ALG11: variants seen among roughly 807,000 people sequenced by gnomAD.
ALG11 encodes the protein ALG11 alpha-1,2-mannosyltransferase, also known as GDP-Man:Man(3)GlcNAc(2)-PP-Dol alpha-1,2-mannosyltransferase.
In ALG11, 26 loss-of-function variants were observed where a neutral mutation model predicts 38.8. The observed-to-expected ratio is 0.67, with a 90% CI of 0.49 to 0.93. The LOEUF is 0.93. Among genes scored for constraint, ALG11 ranks in the 40% least tolerant of loss-of-function variants. ALG11 has a pLI of 0.00. For missense variants in ALG11, 535 were observed against 578.8 expected, an observed-to-expected ratio of 0.92 and a Z score of 0.78; for synonymous variants, 199 against 211.6, an observed-to-expected ratio of 0.94 and a Z score of 0.52.
intron 3 of ALG11, 143 bp from the exon 4 acceptor site, chr13:52,028,176 G>A (rs919463972): frequency 4.3e-6 from 4 of 933,822 alleles, no homozygotes; most frequent in Middle Eastern, 2.7e-4. Context: ...TACTGTAGAA[G>A]TTGAATAAGC....
chr13:52,024,368 A>C lies in ALG11; in HGVS notation c.638A>C (p.Gln213Pro). ...GACATGCTCTCTGTAGTGAAGAATC[A>C]AAATATTGGATTTAATAATGCAGCC... Reference protein sequence around the residue: ...STDMLSVVKNQNIGFNNAAFI... With the variant: ...STDMLSVVKNPNIGFNNAAFI... Residue 213 changes from glutamine (Q) to proline (P), a missense_variant, in exon 3 of 4, where the codon CAA becomes CCA. Physicochemically the swap from Gln to Pro is moderately conservative, Grantham distance 76. Transcript: ENST00000521508. 1.9e-6 allele frequency: 3 copies of C among 1,614,072 alleles called. No homozygotes were observed. Among genetic ancestry groups the C allele is most frequent in the Non-Finnish European group, 2.5e-6 (3 of 1,179,956 alleles).
intron 3 of ALG11, among the ~76,000 whole-genome samples, chr13:52,025,484 A>G (rs1029826367): frequency 1.3e-5 from 2 of 152,202 alleles, no homozygotes; most frequent in South Asian, 2.1e-4. Context: ...TGATTCTGTT[A>G]TGCATCAAAA....
chr13:52,024,291 T>C lies in ALG11; in HGVS notation c.561T>C (p.Tyr187=). The C allele has an allele frequency of 5.6e-6, 9 of 1,614,150 alleles. No homozygotes were observed. The highest frequency in any genetic ancestry group is 7.6e-6 in the Non-Finnish European group (9 of 1,180,028). ...CTTTTACGCTTCCTCTGTTTAAGTATATAGGGGGTTGCCAAGTTGGAAGCT... is the reference window on the plus strand; with the variant it reads ...CTTTTACGCTTCCTCTGTTTAAGTACATAGGGGGTTGCCAAGTTGGAAGCT... ...GYAFTLPLFK[Y]IGGCQVGSYV... The change falls in exon 3 of 4, where the codon TAT becomes TAC. Residue 187 remains tyrosine, a synonymous_variant. Coordinates refer to ENST00000521508, the MANE Select transcript of ALG11 (RefSeq NM_001004127.3).
chr13:52,026,077 A>AGTGCC (rs1188925344), intron 3 of ALG11, among the ~76,000 whole-genome samples: 2 of 152,240 alleles, frequency 1.3e-5, no homozygotes, highest in Non-Finnish European at 2.9e-5. Flanking sequence ...TACACAGGCA[A>AGTGCC]GTGCCGTGCC....
In ALG11 at chr13:52,030,164, G is replaced by A. The variant is rs765281662; in HGVS notation, c.*1574G>A. The A allele has an allele frequency of 7.4e-6, 12 of 1,614,120 alleles. No homozygotes were observed. Among genetic ancestry groups the A allele is most frequent in the Admixed American group, 1.7e-5 (1 of 60,000 alleles). The stretch of plus-strand genomic sequence containing the variant: ...AACAAAAGATTCTAGCAGCCAGGAG[G>A]TGCTGTCCGAATTGAGGGCACTATC... On this transcript the variant is annotated 3_prime_UTR_variant, in exon 4 of 4. Coordinates refer to ENST00000521508, the MANE Select transcript of ALG11 (RefSeq NM_001004127.3).
chr13:52,022,784 C>G (rs920486795), intron 2 of ALG11: 1 of 151,824 alleles, frequency 6.6e-6, no homozygotes, highest in Admixed American at 6.6e-5. Context: ...CCACAACCTC[C>G]GCCTACTGGG....
Position 52,028,324 on chromosome 13 carries a change from G to T in ALG11, c.1213G>T (p.Val405Leu). 3.1e-6 allele frequency: 5 copies of T among 1,614,128 alleles called. No individual in the cohort carries two copies. Among genetic ancestry groups the T allele is most frequent in the Non-Finnish European group, 4.2e-6 (5 of 1,180,028 alleles). The change falls in exon 4 of 4, where the codon GTG becomes TTG. Residue 405 changes from valine (V) to leucine (L), a missense_variant. Val to Leu is a conservative substitution (Grantham distance 32, BLOSUM62 1). Coordinates refer to ENST00000521508, the MANE Select transcript of ALG11 (RefSeq NM_001004127.3). ...ATTTGTGTTTTTTTTCTCAGGAGTT[G>T]TGGAGTGTATGGCAGCTGGCACAAT... is the stretch of plus-strand genomic sequence containing the variant. ...MWNEHFGIGV[V>L]ECMAAGTIIL...
chr13:52,018,610 A>G (rs1954155245), intron 1 of ALG11, among the ~76,000 whole-genome samples: 1 of 152,194 alleles, frequency 6.6e-6, no homozygotes, highest in Non-Finnish European at 1.5e-5. Context: ...ATTTGTTTTA[A>G]TCCCATAACA....
Position 52,032,380 on chromosome 13 carries a change from T to G in ALG11, c.*3790T>G, listed in dbSNP as rs986890853. ...GGAATTGGTATAAATTTAATGCACC[T>G]TCTATCCTGAATAACTAGCATGGAA... On this transcript the variant is annotated 3_prime_UTR_variant, in exon 4 of 4. Coordinates refer to ENST00000521508, the MANE Select transcript of ALG11 (RefSeq NM_001004127.3). The G allele has an allele frequency of 7.2e-5, 12 of 167,226 alleles. No individual in the cohort carries two copies. The highest frequency in any genetic ancestry group is 2.9e-4 in the African/African-American group (12 of 41,592). The allele number at this position is 167,226 out of a possible 1,614,324, so 10.4% of individuals were successfully genotyped here. A position where few individuals can be genotyped will look rare whatever the true frequency, so the allele number is the denominator to read the frequency against.
In ALG11 at chr13:52,024,093, C is replaced by T; in HGVS notation, c.363C>T (p.Asn121=). 6.2e-7 allele frequency: 1 copy of T among 1,614,102 alleles called. No homozygotes were observed. The highest frequency in any genetic ancestry group is 1.1e-5 in the South Asian group (1 of 91,078). Residue 121 remains asparagine, a synonymous_variant, in exon 3 of 4, where the codon AAC becomes AAT. Transcript: ENST00000521508. ...QILEGAFRRF[N]IRLIHPVQFV... Reference sequence around the variant, plus strand: ...TAGAAGGTGCTTTCAGAAGATTTAACATCAGATTAATTCACCCAGTGCAGT... The same window carrying T: ...TAGAAGGTGCTTTCAGAAGATTTAATATCAGATTAATTCACCCAGTGCAGT...
chr13:52,031,252 C>CATT lies in ALG11; in HGVS notation c.*2664_*2666dup. On this transcript the variant is annotated 3_prime_UTR_variant, in exon 4 of 4. Transcript: ENST00000521508. ...TTTTTAAAAAAAGAAAATGGATGACCATTAATTGACTAGCATTTTAGAATT... is the reference window on the plus strand; with the variant it reads ...TTTTTAAAAAAAGAAAATGGATGACCATTATTAATTGACTAGCATTTTAGAATT... 1 of 1,165,962 alleles carries CATT rather than the reference C, an allele frequency of 8.6e-7. No individual in the cohort carries two copies. Among genetic ancestry groups the CATT allele is most frequent in the Admixed American group, 2.9e-5 (1 of 34,744 alleles). The allele number at this position is 1,165,962 out of a possible 1,614,324, so 72.2% of individuals were successfully genotyped here. A position where few individuals can be genotyped will look rare whatever the true frequency, so the allele number is the denominator to read the frequency against.
intron 2 of ALG11, among the ~76,000 whole-genome samples, chr13:52,019,511 G>A (rs918521281): frequency 1.4e-4 from 21 of 152,118 alleles, no homozygotes; most frequent in African/African-American, 4.6e-4. Context: ...GTGAGCCACC[G>A]TGCCCGGCCT....
rs1954312637 is a variant in ALG11 at position 52,032,194 on chromosome 13, C to T, written c.*3604C>T. The T allele has an allele frequency of 6.5e-6, 1 of 154,906 alleles. No individual in the cohort carries two copies. Among genetic ancestry groups the T allele is most frequent in the Non-Finnish European group, 1.5e-5 (1 of 68,052 alleles). 9.6% of individuals were successfully genotyped at this position (154,906 alleles called of 1,614,324 possible). A position where few individuals can be genotyped will look rare whatever the true frequency, so the allele number is the denominator to read the frequency against. ...CCAAGATTGTGCCACTGCACTCTAG[C>T]CTGGGCAATAAGCAAAACTCCATCT... On this transcript the variant is annotated 3_prime_UTR_variant, in exon 4 of 4. Transcript: ENST00000521508.
Position 52,019,101 on chromosome 13 carries a change from G to A in ALG11, c.233G>A (p.Gly78Glu). The A allele has an allele frequency of 1.2e-6, 2 of 1,614,036 alleles. No homozygotes were observed. Among genetic ancestry groups the A allele is most frequent in the Non-Finnish European group, 1.7e-6 (2 of 1,179,990 alleles). Reference sequence around the variant, plus strand: ...CCATACTGCAATGCTGGTGGAGGAGGAGAAAGAGTTTTATGGTGTGCTTTA... The same window carrying A: ...CCATACTGCAATGCTGGTGGAGGAGAAGAAAGAGTTTTATGGTGTGCTTTA... The part of the protein sequence containing the change: ...FHPYCNAGGG[G>E]ERVLWCALRA... The change falls in exon 2 of 4, where the codon GGA (glycine) becomes GAA (glutamate). Residue 78 changes from glycine (G) to glutamate (E), a missense_variant. Coordinates refer to ENST00000521508, the MANE Select transcript of ALG11 (RefSeq NM_001004127.3).
In ALG11 at chr13:52,030,654, C is replaced by T. The variant is rs546716607; in HGVS notation, c.*2064C>T. On this transcript the variant is annotated 3_prime_UTR_variant, in exon 4 of 4. Coordinates refer to ENST00000521508, the MANE Select transcript of ALG11 (RefSeq NM_001004127.3). The stretch of plus-strand genomic sequence containing the variant: ...AAAGAGAAGAGGGAAGCTGTGGAGG[C>T]GAGTAAGCCAAAGGACGTGGACCTG... 3.3e-5 allele frequency: 54 copies of T among 1,613,968 alleles called. No homozygotes were observed. Among genetic ancestry groups the T allele is most frequent in the East Asian group, 1.1e-4 (5 of 44,888 alleles).
chr13:52,026,231 G>A (rs865797544), intron 3 of ALG11, among the ~76,000 whole-genome samples: 3 of 152,346 alleles, frequency 2.0e-5, no homozygotes, highest in South Asian at 2.1e-4. Context: ...CCGAACAATA[G>A]AGGTTAGCCA....
chr13:52,025,958 T>C (rs1954236487), intron 3 of ALG11, among the ~76,000 whole-genome samples: 1 of 152,212 alleles, frequency 6.6e-6, no homozygotes, highest in South Asian at 2.1e-4. Context: ...CATAGAAACT[T>C]ACTAAGCATT....
At chr13:52,023,155 A>C (rs528464226) in intron 2 of ALG11, 2 of 152,342 alleles carry the variant, frequency 1.3e-5, no homozygotes, top group Admixed American at 6.5e-5. Context: ...TTGTGATCCT[A>C]TCTGAAGACA....
At chr13:52,019,267 G>A (rs1954164329) in intron 2 of ALG11, 124 bp downstream of exon 2, 1 of 884,800 alleles carries the variant, frequency 1.1e-6, no homozygotes, top group Non-Finnish European at 1.7e-6. Flanking sequence ...TGTCACCCAG[G>A]CTGGAGTGCA....
Sources: allele counts gnomAD v4.1 joint callset (sites outside exome capture counted in the v4.1 genomes callset), GRCh38; gene constraint gnomAD v4.1.1; transcripts MANE v1.5; gene names NCBI Gene and HGNC (gene_info 2026-07-23, HGNC 2026-07-21).